ROBO2: variants seen among roughly 807,000 people sequenced by gnomAD.
The protein encoded by ROBO2 is roundabout guidance receptor 2.
A neutral mutation model predicts 160.8 loss-of-function variants in ROBO2; 53 were observed. The ratio of observed to expected loss-of-function variants is 0.33; its 90% confidence interval spans 0.26 to 0.41. The LOEUF (loss-of-function observed/expected upper bound fraction) is 0.41. Ranked by LOEUF, ROBO2 falls within the 10% of genes least tolerant of loss-of-function variation. The probability of loss-of-function intolerance (pLI) is 1.00; values close to 1 mark genes in which losing one functional copy is unlikely to be tolerated. For synonymous variants in ROBO2, 664 were observed against 611.7 expected (o/e 1.09, Z -1.26); for missense variants, 1,577 against 1,722.4 (o/e 0.92, Z 1.49).
intron 2 of ROBO2, among the ~76,000 whole-genome samples, chr3:76,349,902 C>T (rs2074769128): frequency 6.6e-6 from 1 of 152,032 alleles, no homozygotes; most frequent in African/African-American, 2.4e-5. Flanking sequence ...AATAAGCATG[C>T]CCGCCCATTG....
chr3:76,371,051 C>A (rs777496992), intron 2 of ROBO2, among the ~76,000 whole-genome samples: 5 of 151,864 alleles, frequency 3.3e-5, no homozygotes, highest in Non-Finnish European at 5.9e-5. Flanking sequence ...ATAGTCCCTG[C>A]ATCCTGGACA....
At chr3:77,053,718 C>T (rs372675149) in intron 1 of ROBO2, among the ~76,000 whole-genome samples, 1 of 152,130 alleles carries the variant, frequency 6.6e-6, no homozygotes, top group Non-Finnish European at 1.5e-5. Context: ...AAAATTTAGG[C>T]AGCAGAAAAT....
intron 2 of ROBO2, among the ~76,000 whole-genome samples, chr3:76,468,521 GTCTT>G (rs1223039853): frequency 6.6e-6 from 1 of 152,034 alleles, no homozygotes; most frequent in Non-Finnish European, 1.5e-5. Context: ...AAGAGCCTCA[GTCTT>G]TCTCTCTCCA....
intron 2 of ROBO2, among the ~76,000 whole-genome samples, chr3:76,544,937 T>C (rs1355411663): frequency 2.6e-5 from 4 of 151,990 alleles, no homozygotes; most frequent in African/African-American, 4.8e-5. Context: ...CGGACTCCTA[T>C]ACGCAATTGC....
At chr3:76,680,570 T>C (rs2092533717) in intron 2 of ROBO2, among the ~76,000 whole-genome samples, 3 of 152,088 alleles carry the variant, frequency 2.0e-5, no homozygotes, top group Admixed American at 6.6e-5. Context: ...AACAGGTAAT[T>C]TGAGTTGCTC....
intron 2 of ROBO2, among the ~76,000 whole-genome samples, chr3:76,504,729 C>T (rs1047890656): frequency 4.0e-5 from 6 of 151,894 alleles, no homozygotes; most frequent in African/African-American, 9.7e-5. Flanking sequence ...GGGGTTTCAC[C>T]GTGTTAGCCA....
chr3:75,922,690 T>C (rs1947117346), intron 1 of ROBO2, among the ~76,000 whole-genome samples: 4 of 152,114 alleles, frequency 2.6e-5, no homozygotes, highest in Admixed American at 2.6e-4. Flanking sequence ...AACAAAATTA[T>C]ATTATTAATT....
At chr3:77,270,950 A>C (rs1450328738) in intron 2 of ROBO2, among the ~76,000 whole-genome samples, 1 of 152,100 alleles carries the variant, frequency 6.6e-6, no homozygotes, top group African/African-American at 2.4e-5. Flanking sequence ...CTTTTTAAAA[A>C]AAAAAAAAAA....
At chr3:77,311,783 T>A (rs902102803) in intron 2 of ROBO2, among the ~76,000 whole-genome samples, 2 of 152,150 alleles carry the variant, frequency 1.3e-5, no homozygotes, top group Non-Finnish European at 2.9e-5. Context: ...TTTTCATACA[T>A]CACTCAAAAC....
chr3:76,151,834 G>A lies in ROBO2; in HGVS notation c.109+214232G>A, dbSNP rs553411373. Among the ~76,000 whole-genome samples the A allele has an allele frequency of 2.3e-4, 35 of 151,966 alleles. No individual in the cohort carries two copies. In the South Asian group the frequency reaches 5.0e-3, roughly 22 times the overall value. On this transcript the variant is annotated intron_variant, in intron 2 of 26. Transcript: ENST00000487694. ...ATGTATCATCATCATCATCATCATC[G>A]GAAGGAAATATAGTTTAATGCAGTT... is the stretch of plus-strand genomic sequence containing the variant.
chr3:75,922,351 C>A (rs1477155569), intron 1 of ROBO2, among the ~76,000 whole-genome samples: 4 of 151,910 alleles, frequency 2.6e-5, no homozygotes, highest in Non-Finnish European at 5.9e-5. Flanking sequence ...CTAAACGTAG[C>A]CCTAACCAAT....
Position 76,023,960 on chromosome 3 carries a change from G to A in ROBO2, c.109+86358G>A, listed in dbSNP as rs182253856. 7.9e-4 allele frequency among the ~76,000 whole-genome samples: 119 copies of A among 151,474 alleles called. 1 individual carries two copies. The highest frequency in any genetic ancestry group is 2.7e-3 in the African/African-American group (112 of 41,432). ...AAATCTCTCTGATGCCATAACCCAC[G>A]ATCTTAATCATTAAATACATTGCTT... On this transcript the variant is annotated intron_variant, in intron 2 of 26. Transcript: ENST00000487694.
At chr3:76,358,803 G>C (rs1486774130) in intron 2 of ROBO2, among the ~76,000 whole-genome samples, 2 of 151,470 alleles carry the variant, frequency 1.3e-5, no homozygotes, top group Admixed American at 6.6e-5. Flanking sequence ...TTAAGTTTTA[G>C]GGTACATGTG....
intron 2 of ROBO2, among the ~76,000 whole-genome samples, chr3:77,287,998 T>A (rs951838651): frequency 6.6e-6 from 1 of 152,194 alleles, no homozygotes; most frequent in African/African-American, 2.4e-5. Context: ...CTAGATTTGA[T>A]TAAAAGTAGA....
At chr3:77,463,575 G>A (rs1049451866) in intron 2 of ROBO2, among the ~76,000 whole-genome samples, 1 of 151,500 alleles carries the variant, frequency 6.6e-6, no homozygotes, top group African/African-American at 2.4e-5. Context: ...TATTATTATT[G>A]TTATTATTAT....
At chr3:77,140,055 G>A (rs988113413) in intron 2 of ROBO2, among the ~76,000 whole-genome samples, 2 of 152,202 alleles carry the variant, frequency 1.3e-5, no homozygotes, top group African/African-American at 2.4e-5. Flanking sequence ...TGCAGACATA[G>A]TTCCAGGCAG....
intron 2 of ROBO2, among the ~76,000 whole-genome samples, chr3:76,687,457 C>A (rs2092709645): frequency 6.6e-6 from 1 of 151,890 alleles, no homozygotes; most frequent in South Asian, 2.1e-4. Context: ...TATGAACACT[C>A]CCAGGGCCTT....
At chr3:75,964,653 T>G (rs1949041539) in intron 2 of ROBO2, among the ~76,000 whole-genome samples, 1 of 151,630 alleles carries the variant, frequency 6.6e-6, no homozygotes, top group African/African-American at 2.4e-5. Context: ...ACATCCCTAT[T>G]TTACCAAGGA....
intron 1 of ROBO2, among the ~76,000 whole-genome samples, chr3:75,909,039 A>T (rs912317856): frequency 6.6e-6 from 1 of 152,230 alleles, no homozygotes; most frequent in Non-Finnish European, 1.5e-5. Context: ...TCTAATGTAT[A>T]TCTGATGTGG....
Sources: allele counts gnomAD v4.1 joint callset (sites outside exome capture counted in the v4.1 genomes callset), GRCh38; gene constraint gnomAD v4.1.1; transcripts MANE v1.5; gene names NCBI Gene and HGNC (gene_info 2026-07-23, HGNC 2026-07-21).